The following ZCWPW1 variants were observed in gnomAD, a reference collection of about 807,000 sequenced individuals.
ZCWPW1 encodes zinc finger CW-type and PWWP domain containing 1.
ZCWPW1 carries 56 observed loss-of-function variants against 81.3 expected under a neutral mutation model. The observed-to-expected ratio is 0.69, with a 90% CI of 0.56 to 0.86. ZCWPW1 has a LOEUF of 0.86. Among genes scored for constraint, ZCWPW1 ranks in the 40% least tolerant of loss-of-function variants. The pLI is 0.00. For synonymous variants in ZCWPW1, 250 were observed against 273.7 expected (o/e 0.91, Z 0.86); for missense variants, 650 against 769.8 (o/e 0.84, Z 1.84).
intron 5 of ZCWPW1, 68 bp from the exon 6 acceptor site, chr7:100,417,251 A>G: frequency 8.0e-7 from 1 of 1,242,866 alleles, no homozygotes; most frequent in South Asian, 1.3e-5. Context: ...ACTCCCTAAC[A>G]TTTTCTCTAA....
At position 100,401,264 on chromosome 7, in the gene ZCWPW1, C is replaced by G. The variant is rs1380790352; in HGVS notation, c.1700G>C (p.Arg567Thr). ...AASFSEGKEV[R>T]TVPKNLGLSA... ...TAGGCCCAGGTTCTTTGGCACTGTT[C>G]TAACTTCTTTTCCCTCTGAAAAGCT... is the stretch of plus-strand genomic sequence containing the variant. Residue 567 changes from arginine (R) to threonine (T), a missense_variant, in exon 18 of 18, where the codon AGA becomes ACA. Coordinates refer to ENST00000684423, the MANE Select transcript of ZCWPW1 (RefSeq NM_001386010.1). 2 of 1,610,328 alleles carry G rather than the reference C, an allele frequency of 1.2e-6. No homozygotes were observed. The highest frequency in any genetic ancestry group is 3.4e-5 in the Admixed American group (2 of 59,596).
chr7:100,405,824 A>G (rs1286023822), intron 12 of ZCWPW1, among the ~76,000 whole-genome samples: 1 of 152,094 alleles, frequency 6.6e-6, no homozygotes, highest in Non-Finnish European at 1.5e-5. Flanking sequence ...ACGGGGTTTC[A>G]CCATGTTGCC....
At chr7:100,420,232 T>C (rs538974822) in intron 3 of ZCWPW1, among the ~76,000 whole-genome samples, 2 of 152,348 alleles carry the variant, frequency 1.3e-5, no homozygotes, top group African/African-American at 4.8e-5. Context: ...TAAAATGTTA[T>C]GGAAAATTAG....
chr7:100,409,349 T>C (rs1793723594), intron 9 of ZCWPW1, 79 bp downstream of exon 9: 1 of 1,147,926 alleles, frequency 8.7e-7, no homozygotes, highest in African/African-American at 1.5e-5. Flanking sequence ...TTACGTAGTA[T>C]TTAATCTAAA....
chr7:100,411,016 A>G (rs1794049841), intron 8 of ZCWPW1, among the ~76,000 whole-genome samples: 1 of 152,250 alleles, frequency 6.6e-6, no homozygotes, highest in Non-Finnish European at 1.5e-5. Context: ...TTCTGAGCCT[A>G]CACTCAAGCA....
At chr7:100,403,818 A>T in intron 14 of ZCWPW1, 33 bp from the exon 15 acceptor site, 1 of 1,580,950 alleles carries the variant, frequency 6.3e-7, no homozygotes, top group Non-Finnish European at 8.7e-7. Flanking sequence ...AGGCTAAATC[A>T]TTCATACCAT....
At chr7:100,422,826 T>C (rs1796589447) in intron 2 of ZCWPW1, among the ~76,000 whole-genome samples, 1 of 152,212 alleles carries the variant, frequency 6.6e-6, no homozygotes, top group Admixed American at 6.5e-5. Flanking sequence ...AGTGAGAATA[T>C]ACAGTATTTG....
chr7:100,414,066 C>G (rs1269544033), intron 8 of ZCWPW1, among the ~76,000 whole-genome samples: 1 of 152,210 alleles, frequency 6.6e-6, no homozygotes, highest in Admixed American at 6.5e-5. Context: ...CTTTTTGACT[C>G]TACCTAGAAA....
At chr7:100,417,966 C>A (rs990941244) in intron 5 of ZCWPW1, among the ~76,000 whole-genome samples, 1 of 151,938 alleles carries the variant, frequency 6.6e-6, no homozygotes, top group Non-Finnish European at 1.5e-5. Flanking sequence ...CTCACTGCAA[C>A]TTCCGCCTCC....
intron 4 of ZCWPW1, 51 bp from the exon 5 acceptor site, chr7:100,419,240 C>T (rs779223304): frequency 6.6e-7 from 1 of 1,525,414 alleles, no homozygotes; most frequent in East Asian, 2.3e-5. Flanking sequence ...CCATAGTTTT[C>T]CCCTCTGAAC....
intron 11 of ZCWPW1, 133 bp from the exon 12 acceptor site, chr7:100,406,931 G>T: frequency 1.3e-6 from 1 of 769,074 alleles, no homozygotes; most frequent in Non-Finnish European, 2.1e-6. Flanking sequence ...TTCAAAGCCT[G>T]ACTCATCTAC....
chr7:100,419,532 T>G, intron 4 of ZCWPW1, 98 bp downstream of exon 4: 1 of 1,503,200 alleles, frequency 6.7e-7, no homozygotes, highest in Non-Finnish European at 8.9e-7. Flanking sequence ...AACTCTAGGG[T>G]GAATTTCCCC....
At chr7:100,423,776 T>A (rs1237152613) in intron 2 of ZCWPW1, among the ~76,000 whole-genome samples, 1 of 152,104 alleles carries the variant, frequency 6.6e-6, no homozygotes, top group Non-Finnish European at 1.5e-5. Flanking sequence ...AGGTAATGAA[T>A]GGATAAAATT....
chr7:100,408,476 C>T (rs1793512886), intron 10 of ZCWPW1, 63 bp downstream of exon 10: 1 of 1,586,868 alleles, frequency 6.3e-7, no homozygotes, highest in Non-Finnish European at 8.6e-7. Flanking sequence ...TGCTTCCACC[C>T]CTGCTTGAAT....
Position 100,409,431 on chromosome 7 carries a change from T to C in ZCWPW1, c.868A>G (p.Thr290Ala), listed in dbSNP as rs767124131. The C allele has an allele frequency of 6.2e-7, 1 of 1,610,276 alleles. No individual in the cohort carries two copies. Among genetic ancestry groups the C allele is most frequent in the Non-Finnish European group, 8.5e-7 (1 of 1,176,710 alleles). ...LPDNWSCDQNTDVQYNRCDIP... is the reference protein window; with the variant it reads ...LPDNWSCDQNADVQYNRCDIP... ...AAACATTTCCAGTCTTTTCTACCTG[T>C]GTTCTGATCACAGGACCAATTATCT... Residue 290 changes from threonine to alanine, a missense_variant, in exon 9 of 18, where the codon ACA becomes GCA. Coordinates refer to ENST00000684423, the MANE Select transcript of ZCWPW1 (RefSeq NM_001386010.1).
intron 3 of ZCWPW1, 84 bp from the exon 4 acceptor site, chr7:100,419,967 C>G: frequency 2.6e-6 from 3 of 1,141,890 alleles, no homozygotes; most frequent in Non-Finnish European, 3.8e-6. Context: ...CTAGCCATAA[C>G]AGAATGATAT....
At chr7:100,409,636 G>A (rs558093268) in intron 8 of ZCWPW1, 92 bp from the exon 9 acceptor site, 2 of 863,432 alleles carry the variant, frequency 2.3e-6, no homozygotes, top group South Asian at 3.1e-5. Context: ...CCAACTCCCA[G>A]AATGACATAG....
chr7:100,412,437 A>G (rs528999782), intron 8 of ZCWPW1, among the ~76,000 whole-genome samples: 4 of 152,238 alleles, frequency 2.6e-5, no homozygotes, highest in African/African-American at 9.6e-5. Context: ...ACAGAAACCA[A>G]TCATCCTTGA....
chr7:100,414,822 C>A (rs185299611), intron 8 of ZCWPW1, among the ~76,000 whole-genome samples: 24 of 152,054 alleles, frequency 1.6e-4, no homozygotes, highest in African/African-American at 5.3e-4. Flanking sequence ...GTCAAGAGAT[C>A]GAGACTATCC....
Sources: gnomAD v4.1 joint callset for allele counts (sites outside exome capture counted in the v4.1 genomes callset) on GRCh38, gnomAD v4.1.1 for gene constraint, MANE v1.5 for transcripts, NCBI Gene and HGNC (gene_info 2026-07-23, HGNC 2026-07-21) for gene names.